The following PCDH15 variants were observed in gnomAD, a reference collection of about 807,000 sequenced individuals.
PCDH15 encodes the protein protocadherin-15.
PCDH15 carries 129 observed loss-of-function variants against 178.5 expected under a neutral mutation model. The ratio of observed to expected loss-of-function variants is 0.72; its 90% confidence interval spans 0.63 to 0.84. The LOEUF (loss-of-function observed/expected upper bound fraction) is 0.84, where lower values mean the gene tolerates loss of function less well. PCDH15 is among the 40% of genes least tolerant of loss of function. The pLI, the probability that PCDH15 is intolerant of heterozygous loss-of-function variation, is 0.00. For synonymous variants in PCDH15, 800 were observed against 732.0 expected, an observed-to-expected ratio of 1.09 and a Z score of -1.50; for missense variants, 2,230 against 2,099.9, an observed-to-expected ratio of 1.06 and a Z score of -1.21.
intron 14 of PCDH15, among the ~76,000 whole-genome samples, chr10:54,137,402 C>T (rs969964197): frequency 1.3e-5 from 2 of 152,076 alleles, no homozygotes; most frequent in Non-Finnish European, 1.5e-5. Flanking sequence ...CTCTTGAAAC[C>T]TACCCAATAG....
chr10:54,134,090 C>T (rs913349857), intron 14 of PCDH15, among the ~76,000 whole-genome samples: 3 of 135,094 alleles, frequency 2.2e-5, no homozygotes, highest in African/African-American at 7.7e-5. Flanking sequence ...CCAGCCCAGG[C>T]TGGAGTGCAG....
chr10:54,565,075 C>T (rs981798185), intron 2 of PCDH15, among the ~76,000 whole-genome samples: 1 of 152,064 alleles, frequency 6.6e-6, no homozygotes, highest in Non-Finnish European at 1.5e-5. Flanking sequence ...TGAACCCAAA[C>T]CATTATAAGC....
At chr10:54,074,135 C>T (rs2094297248) in intron 17 of PCDH15, among the ~76,000 whole-genome samples, 1 of 152,190 alleles carries the variant, frequency 6.6e-6, no homozygotes, top group East Asian at 1.9e-4. Context: ...CAGGCATCCT[C>T]AATGGCACTG....
intron 2 of PCDH15, among the ~76,000 whole-genome samples, chr10:55,613,662 A>G (rs1378244500): frequency 6.6e-5 from 10 of 152,160 alleles, no homozygotes; most frequent in Non-Finnish European, 1.2e-4. Flanking sequence ...AACTAAGTGT[A>G]TTAAATGAAT....
intron 3 of PCDH15, among the ~76,000 whole-genome samples, chr10:54,809,928 C>T (rs538287038): frequency 9.2e-4 from 140 of 152,128 alleles, no homozygotes; most frequent in Admixed American, 1.8e-3. Flanking sequence ...TTACGCTAGC[C>T]GTTAGTAGTT....
At chr10:55,521,578 C>T (rs1841177135) in intron 2 of PCDH15, among the ~76,000 whole-genome samples, 1 of 151,846 alleles carries the variant, frequency 6.6e-6, no homozygotes, top group Non-Finnish European at 1.5e-5. Flanking sequence ...TTGTATCTAC[C>T]AAATATTCTC....
At chr10:54,390,193 T>C (rs954250898) in intron 3 of PCDH15, among the ~76,000 whole-genome samples, 4 of 152,210 alleles carry the variant, frequency 2.6e-5, no homozygotes, top group Non-Finnish European at 5.9e-5. Context: ...TCAGCAAGTT[T>C]TGTATTTTGT....
intron 3 of PCDH15, among the ~76,000 whole-genome samples, chr10:54,870,581 C>G (rs928840747): frequency 2.0e-5 from 3 of 151,914 alleles, no homozygotes; most frequent in Admixed American, 6.6e-5. Flanking sequence ...GTCAGGAGAT[C>G]GAGCCCATCC....
intron 2 of PCDH15, among the ~76,000 whole-genome samples, chr10:55,509,915 A>G (rs1377260051): frequency 1.3e-5 from 2 of 151,954 alleles, no homozygotes; most frequent in Non-Finnish European, 2.9e-5. Flanking sequence ...CGTTTTATTC[A>G]TGAAGAAATA....
At chr10:54,191,529 C>T (rs7095511) in intron 11 of PCDH15, among the ~76,000 whole-genome samples, 66,225 of 151,774 alleles carry the variant, frequency 0.44, 17,259 homozygotes, top group East Asian at 0.94. Context: ...GTTTCCAAAA[C>T]TCAGGCCACA....
intron 2 of PCDH15, among the ~76,000 whole-genome samples, chr10:55,146,225 C>A (rs1427536630): frequency 6.6e-6 from 1 of 151,946 alleles, no homozygotes; most frequent in East Asian, 1.9e-4. Flanking sequence ...CTTGTTTCGC[C>A]AAATGACTCA....
chr10:55,052,323 C>T (rs1277414663), intron 2 of PCDH15, among the ~76,000 whole-genome samples: 1 of 15,458 alleles, frequency 6.5e-5, no homozygotes, highest in Non-Finnish European at 1.1e-4. Context: ...ATCTCCTTAC[C>T]TCGTGATCCG....
At chr10:55,302,758 T>C (rs1843318082) in intron 1 of PCDH15, among the ~76,000 whole-genome samples, 1 of 152,164 alleles carries the variant, frequency 6.6e-6, no homozygotes, top group South Asian at 2.1e-4. Context: ...ACCTAGTTTA[T>C]TTAAATATAA....
At chr10:54,720,849 A>G (rs1389636172) in intron 1 of PCDH15, among the ~76,000 whole-genome samples, 1 of 152,080 alleles carries the variant, frequency 6.6e-6, no homozygotes, top group Non-Finnish European at 1.5e-5. Flanking sequence ...GCAGAAAATC[A>G]GCAAAGAAAC....
intron 2 of PCDH15, among the ~76,000 whole-genome samples, chr10:54,620,780 TAA>T (rs1293932281): frequency 1.3e-5 from 2 of 152,054 alleles, no homozygotes; most frequent in South Asian, 2.1e-4. Context: ...TTGCAATGTG[TAA>T]GAGAAAAAGA....
intron 2 of PCDH15, among the ~76,000 whole-genome samples, chr10:55,329,257 A>T (rs1844129765): frequency 6.6e-6 from 1 of 151,178 alleles, no homozygotes; most frequent in Non-Finnish European, 1.5e-5. Context: ...TGCCATTTTC[A>T]CTCTCATTTT....
chr10:55,564,747 T>C (rs961882495), intron 2 of PCDH15, among the ~76,000 whole-genome samples: 1 of 151,670 alleles, frequency 6.6e-6, no homozygotes. Flanking sequence ...TAAATAACTG[T>C]TAAAAGGCTG....
At chr10:55,383,883 G>GT (rs145093067) in intron 2 of PCDH15, among the ~76,000 whole-genome samples, 299 of 152,236 alleles carry the variant, frequency 2.0e-3, no homozygotes, top group African/African-American at 6.8e-3. Flanking sequence ...GAATTGTAGA[G>GT]TGTGTATGCG....
At chr10:54,723,342 C>T (rs1941958211) in intron 1 of PCDH15, among the ~76,000 whole-genome samples, 1 of 151,584 alleles carries the variant, frequency 6.6e-6, no homozygotes. Flanking sequence ...ATTGGCTAGC[C>T]ACGTGCAGAA....
Sources: gnomAD v4.1 joint callset for allele counts (sites outside exome capture counted in the v4.1 genomes callset) on GRCh38, gnomAD v4.1.1 for gene constraint, MANE v1.5 for transcripts, NCBI Gene and HGNC (gene_info 2026-07-23, HGNC 2026-07-21) for gene names.